The following MSH4 variants were observed in gnomAD, a reference collection of about 807,000 sequenced individuals.
MSH4 encodes mutS homolog 4, also known as mutS protein homolog 4.
A neutral mutation model predicts 113.7 loss-of-function variants in MSH4; 106 were observed. That is an observed-to-expected ratio of 0.93 (90% CI 0.80 to 1.10). The LOEUF (loss-of-function observed/expected upper bound fraction) is 1.10, where lower values mean the gene tolerates loss of function less well. MSH4 is among the 50% of genes least tolerant of loss of function. The pLI is 0.00. For missense variants in MSH4, 1,061 were observed against 1,093.7 expected, an observed-to-expected ratio of 0.97 and a Z score of 0.42; for synonymous variants, 368 against 380.2, an observed-to-expected ratio of 0.97 and a Z score of 0.37.
intron 9 of MSH4, among the ~76,000 whole-genome samples, chr1:75,868,302 TAA>T (rs1182698919): frequency 1.3e-5 from 2 of 152,214 alleles, no homozygotes; most frequent in African/African-American, 2.4e-5. Context: ...TTGTAATTAA[TAA>T]GTTATTAATC....
At chr1:75,867,924 C>T (rs2100561709) in intron 9 of MSH4, among the ~76,000 whole-genome samples, 1 of 151,766 alleles carries the variant, frequency 6.6e-6, no homozygotes, top group South Asian at 2.1e-4. Context: ...AATATGTATC[C>T]CATACTCAAA....
At chr1:75,797,740 T>G (rs1281236452) in intron 1 of MSH4, among the ~76,000 whole-genome samples, 1 of 152,194 alleles carries the variant, frequency 6.6e-6, no homozygotes, top group African/African-American at 2.4e-5. Context: ...CACACCAGCC[T>G]GGCCAACATG....
chr1:75,806,926 A>G (rs567014045), intron 2 of MSH4, 55 bp from the exon 3 acceptor site: 2 of 1,440,012 alleles, frequency 1.4e-6, no homozygotes, highest in Non-Finnish European at 1.8e-6. Flanking sequence ...TTTTTTTAAA[A>G]AAAGAAATGA....
chr1:75,878,774 A>C (rs368350288), intron 11 of MSH4, among the ~76,000 whole-genome samples: 36 of 151,876 alleles, frequency 2.4e-4, no homozygotes, highest in African/African-American at 8.0e-4. Flanking sequence ...AGACTGCAGT[A>C]AGTTATGATT....
At chr1:75,797,911 TTCAG>T (rs1204978215) in intron 1 of MSH4, among the ~76,000 whole-genome samples, 1 of 152,150 alleles carries the variant, frequency 6.6e-6, no homozygotes, top group Non-Finnish European at 1.5e-5. Flanking sequence ...GCCACTGCAT[TTCAG>T]CCTGGGTGAC....
rs757162297 is a variant in MSH4 at position 75,797,079 on chromosome 1, A to G, written c.94A>G (p.Asn32Asp). ...CCGCTCACCTCAGGGTCCCCGCTAC[A>G]ATTTCGGACTCCAGGAGACTCCACA... is the stretch of plus-strand genomic sequence containing the variant. ...ETRSPQGPRY[N>D]FGLQETPQSR... The change falls in exon 1 of 20, where the codon AAT (asparagine) becomes GAT (aspartate). Residue 32 changes from asparagine (N) to aspartate (D), a missense_variant. By Grantham distance (23) the Asn-to-Asp change is conservative. Transcript: ENST00000263187. 3.1e-6 allele frequency: 5 copies of G among 1,613,992 alleles called. No homozygotes were observed. In the South Asian group the frequency reaches 3.3e-5, roughly 11 times the overall value.
At chr1:75,867,354 G>A (rs1474919287) in intron 8 of MSH4, among the ~76,000 whole-genome samples, 160 bp from the exon 9 acceptor site, 1 of 152,010 alleles carries the variant, frequency 6.6e-6, no homozygotes, top group Non-Finnish European at 1.5e-5. Context: ...TAATTATGGT[G>A]GGTCAATAAT....
At chr1:75,826,963 T>A (rs185321547) in intron 7 of MSH4, among the ~76,000 whole-genome samples, 181 of 152,300 alleles carry the variant, frequency 1.2e-3, no homozygotes, top group African/African-American at 4.1e-3. Context: ...TCTATAGATG[T>A]CTATTAGGTC....
intron 7 of MSH4, among the ~76,000 whole-genome samples, chr1:75,826,601 G>A (rs1650560182): frequency 6.6e-6 from 1 of 152,116 alleles, no homozygotes; most frequent in Admixed American, 6.6e-5. Context: ...GGCATTTAGT[G>A]CTATAAATTT....
At chr1:75,858,840 G>A (rs967582731) in intron 8 of MSH4, among the ~76,000 whole-genome samples, 1 of 152,188 alleles carries the variant, frequency 6.6e-6, no homozygotes, top group African/African-American at 2.4e-5. Context: ...AGAAGGAATG[G>A]TCCCAGCTCC....
chr1:75,837,507 C>T (rs1650857842), intron 7 of MSH4, among the ~76,000 whole-genome samples: 1 of 151,392 alleles, frequency 6.6e-6, no homozygotes, highest in South Asian at 2.1e-4. Context: ...TTGCCTCAGC[C>T]TCCCGAGTAG....
intron 9 of MSH4, among the ~76,000 whole-genome samples, chr1:75,872,910 CATT>C (rs1196357513): frequency 6.6e-6 from 1 of 152,178 alleles, no homozygotes; most frequent in East Asian, 1.9e-4. Flanking sequence ...GATTAAACAT[CATT>C]GTTTTGACAT....
chr1:75,846,326 G>A (rs971079233), intron 7 of MSH4, among the ~76,000 whole-genome samples: 2 of 152,154 alleles, frequency 1.3e-5, no homozygotes, highest in Non-Finnish European at 2.9e-5. Context: ...CAGGCTAAGA[G>A]TTTTCATAAT....
chr1:75,829,181 T>G (rs1234324111), intron 7 of MSH4, among the ~76,000 whole-genome samples: 1 of 152,152 alleles, frequency 6.6e-6, no homozygotes, highest in African/African-American at 2.4e-5. Context: ...GGAGCCTCGC[T>G]CACTGCTAGC....
chr1:75,797,136 TCCA>T lies in MSH4; in HGVS notation c.154_156del (p.Thr52del). On this transcript the variant is annotated inframe_deletion, in exon 1 of 20. Transcript: ENST00000263187. ...CCCTTCGGTCCAGGTGGTCTCTGCA[TCCA>T]CCTGTCCTGGCACGTCAGGAGCTGC... 3 of 1,613,770 alleles carry T rather than the reference TCCA, an allele frequency of 1.9e-6. No individual in the cohort carries two copies. The highest frequency in any genetic ancestry group is 2.5e-6 in the Non-Finnish European group (3 of 1,179,818).
chr1:75,828,148 C>CA (rs1650597906), intron 7 of MSH4, among the ~76,000 whole-genome samples: 1 of 152,070 alleles, frequency 6.6e-6, no homozygotes, highest in African/African-American at 2.4e-5. Context: ...ATTAAAAAGT[C>CA]AAAAAATAAC....
intron 17 of MSH4, among the ~76,000 whole-genome samples, chr1:75,892,336 A>G (rs1557527716): frequency 6.6e-6 from 1 of 151,890 alleles, no homozygotes. Context: ...CACATGAGCC[A>G]GTTTCTTATG....
At chr1:75,880,990 G>A (rs544209089) in intron 13 of MSH4, among the ~76,000 whole-genome samples, 1 of 151,758 alleles carries the variant, frequency 6.6e-6, no homozygotes, top group African/African-American at 2.4e-5. Context: ...TCATATAAAA[G>A]CAGTTATTTC....
chr1:75,883,905 T>C (rs1358449536), intron 15 of MSH4, 84 bp downstream of exon 15: 1 of 1,111,580 alleles, frequency 9.0e-7, no homozygotes, highest in Non-Finnish European at 1.3e-6. Context: ...GCCATGTGCC[T>C]AATTAACCCA....
Sources: gnomAD v4.1 joint callset for allele counts (sites outside exome capture counted in the v4.1 genomes callset) on GRCh38, gnomAD v4.1.1 for gene constraint, MANE v1.5 for transcripts, NCBI Gene and HGNC (gene_info 2026-07-23, HGNC 2026-07-21) for gene names.